PMF1: variants seen among roughly 807,000 people sequenced by gnomAD.
PMF1 encodes the protein polyamine-modulated factor 1.
PMF1 carries 21 observed loss-of-function variants against 26.7 expected under a neutral mutation model. That is an observed-to-expected ratio of 0.79 (90% CI 0.56 to 1.13). The LOEUF (loss-of-function observed/expected upper bound fraction) is 1.13. Ranked by LOEUF, PMF1 falls within the 50% of genes most tolerant of loss-of-function variation. PMF1 has a pLI of 0.00. For missense variants in PMF1, 266 were observed against 254.9 expected (o/e 1.04, Z -0.30); for synonymous variants, 105 against 101.0 (o/e 1.04, Z -0.24).
intron 1 of PMF1, among the ~76,000 whole-genome samples, chr1:156,215,948 T>C (rs1657673705): frequency 6.6e-6 from 1 of 152,124 alleles, no homozygotes; most frequent in African/African-American, 2.4e-5. Context: ...CTCGGCCACT[T>C]ATTTATAACA....
intron 1 of PMF1, among the ~76,000 whole-genome samples, chr1:156,216,668 GCTA>G (rs1657732784): frequency 6.6e-6 from 1 of 151,722 alleles, no homozygotes; most frequent in African/African-American, 2.4e-5. Context: ...GGCGGCGAGG[GCTA>G]CCCTGCCCCC....
rs1200453002 is a variant in PMF1 at position 156,213,042 on chromosome 1, A to G, written c.27A>G (p.Leu9=). ...TGGCCGAAGCAAGTAGCGCCAATCT[A>G]GGCAGCGGCTGTGAGGAAAAAAGGC... MAEASSAN[L]GSGCEEKRHE... The change falls in exon 1 of 5, where the codon CTA becomes CTG. Residue 9 remains leucine, a synonymous_variant. Transcript: ENST00000368277. The G allele has an allele frequency of 1.1e-5, 18 of 1,614,090 alleles. No individual in the cohort carries two copies. Among genetic ancestry groups the G allele is most frequent in the African/African-American group, 2.7e-5 (2 of 74,944 alleles).
At chr1:156,233,409 G>A (rs1046886482) in intron 2 of PMF1, among the ~76,000 whole-genome samples, 1 of 151,188 alleles carries the variant, frequency 6.6e-6, no homozygotes, top group Non-Finnish European at 1.5e-5. Context: ...CACCCACCTC[G>A]GCCCTCCCAA....
chr1:156,225,229 C>T (rs1320373530), intron 1 of PMF1, among the ~76,000 whole-genome samples: 1 of 148,830 alleles, frequency 6.7e-6, no homozygotes, highest in Admixed American at 6.7e-5. Flanking sequence ...AATGGACAGC[C>T]GTATAGTGAA....
At position 156,234,359 on chromosome 1, in the gene PMF1, G is replaced by C. The variant is rs528968900; in HGVS notation, c.368+631G>C. On this transcript the variant is annotated intron_variant, in intron 3 of 4. Coordinates refer to ENST00000368277, the MANE Select transcript of PMF1 (RefSeq NM_007221.4). ...TGTTGGTCCTGTGGGAGAAAGGGTG[G>C]GTGGGGGGAGTGGGAGGAGGCAGAA... Among the ~76,000 whole-genome samples, 5 of 152,146 alleles carry C rather than the reference G, an allele frequency of 3.3e-5. No individual in the cohort carries two copies. The South Asian group carries it at 1.0e-3, about 32-fold the overall frequency.
In PMF1 at chr1:156,236,383, A is replaced by G; in HGVS notation, c.464A>G (p.Gln155Arg). The change falls in exon 4 of 5, where the codon CAG becomes CGG. Residue 155 changes from glutamine to arginine, a missense_variant. Transcript: ENST00000368277. ...ACCCTGCGGCGCCATGTGCAGAAAC[A>G]GGAGGCCGAGAACCAGCAGCTGGCA... ...RDTLRRHVQKQEAENQQLADA... is the reference protein window; with the variant it reads ...RDTLRRHVQKREAENQQLADA... 6.2e-7 allele frequency: 1 copy of G among 1,614,224 alleles called. No homozygotes were observed. The highest frequency in any genetic ancestry group is 1.1e-5 in the South Asian group (1 of 91,084).
intron 3 of PMF1, among the ~76,000 whole-genome samples, chr1:156,235,504 C>T (rs187146628): frequency 2.2e-5 from 3 of 136,832 alleles, no homozygotes; most frequent in African/African-American, 8.4e-5. Flanking sequence ...TGCAGTGGCG[C>T]GATCTTGGCT....
chr1:156,214,866 A>G (rs1226681281), intron 1 of PMF1, among the ~76,000 whole-genome samples: 2 of 148,746 alleles, frequency 1.3e-5, no homozygotes, highest in South Asian at 2.1e-4. Flanking sequence ...CCAGATTATT[A>G]TTATTATTAT....
chr1:156,232,463 G>A, intron 2 of PMF1, 38 bp downstream of exon 2: 1 of 1,600,488 alleles, frequency 6.2e-7, no homozygotes, highest in Non-Finnish European at 8.6e-7. Flanking sequence ...TGTTGACTTG[G>A]GTTCTGTCTC....
At chr1:156,231,103 G>T (rs1658672821) in intron 1 of PMF1, among the ~76,000 whole-genome samples, 1 of 150,350 alleles carries the variant, frequency 6.7e-6, no homozygotes, top group Non-Finnish European at 1.5e-5. Flanking sequence ...TGTAATCCCA[G>T]CTACTCAGGA....
chr1:156,236,631 C>T lies in PMF1; in HGVS notation c.564+148C>T, dbSNP rs190261035. On this transcript the variant is annotated intron_variant, in intron 4 of 4. Coordinates refer to ENST00000368277, the MANE Select transcript of PMF1 (RefSeq NM_007221.4). ...TGGGGAACAGTCATGAATTACCTCT[C>T]CTTGGGCGTGTGCAGTAGCCTCTGC... 233 of 1,074,986 alleles carry T rather than the reference C, an allele frequency of 2.2e-4. 2 individuals are homozygous for T. In the East Asian group the frequency reaches 5.9e-3, roughly 27 times the overall value. The allele number at this position is 1,074,986 out of a possible 1,614,324, so 66.6% of individuals were successfully genotyped here.
chr1:156,219,859 T>A (rs1657984358), intron 1 of PMF1, among the ~76,000 whole-genome samples: 1 of 151,926 alleles, frequency 6.6e-6, no homozygotes, highest in South Asian at 2.1e-4. Context: ...AGGTGATCCT[T>A]TCACCTCAGC....
intron 4 of PMF1, 29 bp from the exon 5 acceptor site, chr1:156,239,519 G>A: frequency 3.1e-6 from 5 of 1,604,226 alleles, no homozygotes; most frequent in Non-Finnish European, 4.3e-6. Context: ...TTAGATCCCA[G>A]TTTGTCTGTT....
chr1:156,213,217 C>T, intron 1 of PMF1, 41 bp downstream of exon 1: 1 of 1,599,694 alleles, frequency 6.3e-7, no homozygotes, highest in Non-Finnish European at 8.5e-7. Context: ...TTGTTGGCAC[C>T]GAAGCTCAAA....
intron 1 of PMF1, among the ~76,000 whole-genome samples, chr1:156,227,211 A>C (rs1249919205): frequency 6.6e-6 from 1 of 152,160 alleles, no homozygotes; most frequent in African/African-American, 2.4e-5. Context: ...ATGAATTAAA[A>C]ATTTTTTTTT....
intron 1 of PMF1, among the ~76,000 whole-genome samples, chr1:156,220,259 C>T (rs529882350): frequency 1.6e-4 from 25 of 151,904 alleles, no homozygotes; most frequent in Admixed American, 1.2e-3. Flanking sequence ...CCACCATGCC[C>T]GGCCTGCCCA....
intron 1 of PMF1, among the ~76,000 whole-genome samples, chr1:156,226,755 C>T (rs1483686044): frequency 1.3e-5 from 2 of 152,204 alleles, no homozygotes; most frequent in African/African-American, 2.4e-5. Context: ...AAGAAGTAGT[C>T]TGAGGTCACT....
At chr1:156,232,245 C>T (rs570495044) in intron 1 of PMF1, 75 bp from the exon 2 acceptor site, 162 of 1,327,736 alleles carry the variant, frequency 1.2e-4, no homozygotes, top group Non-Finnish European at 1.6e-4. Context: ...TAATGCGAAG[C>T]GGAGGTACCC....
At chr1:156,229,195 A>G (rs1381723939) in intron 1 of PMF1, among the ~76,000 whole-genome samples, 2 of 152,130 alleles carry the variant, frequency 1.3e-5, no homozygotes, top group East Asian at 1.9e-4. Context: ...GGCGTGAGCC[A>G]CCGCGCCTGG....
Sources: allele counts gnomAD v4.1 joint callset (sites outside exome capture counted in the v4.1 genomes callset), GRCh38; gene constraint gnomAD v4.1.1; transcripts MANE v1.5; gene names NCBI Gene and HGNC (gene_info 2026-07-23, HGNC 2026-07-21).